The following JAK1 variants were observed in gnomAD, a reference collection of about 807,000 sequenced individuals.
JAK1 encodes Janus kinase 1.
In JAK1, 16 loss-of-function variants were observed where a neutral mutation model predicts 136.6. The observed-to-expected ratio is 0.12, with a 90% confidence interval of 0.08 to 0.18. The LOEUF is 0.18. Ranked by LOEUF, JAK1 falls within the 10% of genes least tolerant of loss-of-function variation. The probability of loss-of-function intolerance (pLI) is 1.00; values close to 1 mark genes in which losing one functional copy is unlikely to be tolerated. For missense variants in JAK1, 859 were observed against 1,450.1 expected, an observed-to-expected ratio of 0.59 and a Z score of 6.62; for synonymous variants, 492 against 519.5, an observed-to-expected ratio of 0.95 and a Z score of 0.72.
At chr1:64,999,544 C>A (rs971969058) in intron 2 of JAK1, among the ~76,000 whole-genome samples, 4 of 152,108 alleles carry the variant, frequency 2.6e-5, no homozygotes, top group African/African-American at 9.7e-5. Context: ...TCGAGACCAG[C>A]CTGGGCAACA....
At chr1:65,022,557 A>G (rs74080251) in intron 2 of JAK1, among the ~76,000 whole-genome samples, 201 of 152,296 alleles carry the variant, frequency 1.3e-3, no homozygotes, top group African/African-American at 4.7e-3. Context: ...TGTAAAGAAA[A>G]AATTAAGAAA....
At chr1:64,887,830 A>G (rs551763556) in intron 1 of JAK1, among the ~76,000 whole-genome samples, 4 of 152,192 alleles carry the variant, frequency 2.6e-5, no homozygotes, top group Non-Finnish European at 4.4e-5. Context: ...GTCCTATAGC[A>G]GAAAGGAGCT....
rs1646487562 is a variant in JAK1, at chr1:64,975,160, A to C, written c.-78+69320T>G. Among the ~76,000 whole-genome samples, 4 of 151,644 alleles carry C rather than the reference A, an allele frequency of 2.6e-5. No homozygotes were observed. The South Asian group carries it at 8.3e-4, about 32-fold the overall frequency. ...CTGGAGTGGAGTGGCTATTCACAGG[A>C]GTGATCATAGTATACTACAGCCTTG... On this transcript the variant is annotated intron_variant, in intron 2 of 25. Transcript: ENST00000671954.
At chr1:64,973,218 A>G (rs1646468040) in intron 2 of JAK1, 1 of 150,968 alleles carries the variant, frequency 6.6e-6, no homozygotes, top group Non-Finnish European at 1.5e-5. Context: ...AGAAAGAAAG[A>G]AAGGAAAAGA....
rs200049537 is a variant in JAK1, at chr1:64,864,885, G to C, written c.1078C>G (p.Arg360Gly). The change falls in exon 8 of 25, where the codon CGG (arginine) becomes GGG (glycine). Residue 360 changes from arginine (R) to glycine (G), a missense_variant. Arg to Gly is a moderately radical substitution (Grantham distance 125, BLOSUM62 -2). Transcript: ENST00000342505. Reference protein sequence around the residue: ...HKKDEEKNKIREEWNNFSYFP... With the variant: ...HKKDEEKNKIGEEWNNFSYFP... ...TAAGAAAAATTGTTCCACTCTTCCC[G>C]GATCTTGTTTTTCTCCTCATCCTTC... The C allele has an allele frequency of 1.4e-5, 22 of 1,613,468 alleles. No homozygotes were observed. Among genetic ancestry groups the C allele is most frequent in the Non-Finnish European group, 1.8e-5 (21 of 1,179,552 alleles).
chr1:64,986,664 A>T (rs1382670108), intron 2 of JAK1, among the ~76,000 whole-genome samples: 1 of 152,108 alleles, frequency 6.6e-6, no homozygotes, highest in Non-Finnish European at 1.5e-5. Flanking sequence ...GGGCTGAGGC[A>T]AGAAGATCAC....
intron 3 of JAK1, among the ~76,000 whole-genome samples, chr1:64,881,914 T>C (rs563861616): frequency 6.6e-6 from 1 of 151,970 alleles, no homozygotes; most frequent in African/African-American, 2.4e-5. Context: ...AAACCAAATC[T>C]CAAGGGGAAA....
chr1:64,915,102 G>A (rs1053679567), intron 1 of JAK1, among the ~76,000 whole-genome samples: 1 of 152,072 alleles, frequency 6.6e-6, no homozygotes, highest in Non-Finnish European at 1.5e-5. Context: ...ATACCTTATA[G>A]GATTGTGAAG....
At chr1:64,848,549 C>T (rs1570629674) in intron 12 of JAK1, among the ~76,000 whole-genome samples, 1 of 152,144 alleles carries the variant, frequency 6.6e-6, no homozygotes. Flanking sequence ...AGATGAGTGG[C>T]AGGAGGACTG....
At chr1:65,019,482 G>A (rs2100788775) in intron 2 of JAK1, among the ~76,000 whole-genome samples, 1 of 144,806 alleles carries the variant, frequency 6.9e-6, no homozygotes, top group Non-Finnish European at 1.5e-5. Context: ...TAGGAAAAGT[G>A]AATGGTTAAA....
intron 1 of JAK1, among the ~76,000 whole-genome samples, chr1:65,064,180 G>T (rs995153146): frequency 1.3e-5 from 2 of 152,194 alleles, no homozygotes; most frequent in African/African-American, 4.8e-5. Context: ...GCTCAAGTAT[G>T]TTTCCAAATA....
At chr1:64,868,845 T>G (rs1487878138) in intron 6 of JAK1, among the ~76,000 whole-genome samples, 1 of 152,214 alleles carries the variant, frequency 6.6e-6, no homozygotes, top group Non-Finnish European at 1.5e-5. Context: ...TTGAGATATT[T>G]AATAGTAGTT....
At chr1:64,841,714 C>CGAAATCTACCTGT in intron 17 of JAK1, 113 bp from the exon 18 acceptor site, 1 of 1,084,426 alleles carries the variant, frequency 9.2e-7, no homozygotes, top group Non-Finnish European at 1.4e-6. Context: ...TCTCCACTTA[C>CGAAATCTACCTGT]AGGTAGATTT....
At chr1:64,856,282 A>C (rs564571891) in intron 10 of JAK1, among the ~76,000 whole-genome samples, 2 of 152,284 alleles carry the variant, frequency 1.3e-5, no homozygotes, top group African/African-American at 4.8e-5. Context: ...CTTTTTGTAC[A>C]AACTAAACTA....
At chr1:64,955,792 C>T (rs1373414849) in intron 1 of JAK1, among the ~76,000 whole-genome samples, 2 of 152,138 alleles carry the variant, frequency 1.3e-5, no homozygotes, top group Admixed American at 6.5e-5. Flanking sequence ...GCAGTGGGGA[C>T]AGCGAGTGGC....
intron 1 of JAK1, among the ~76,000 whole-genome samples, chr1:65,064,222 A>G (rs761897161): frequency 2.0e-5 from 3 of 152,250 alleles, no homozygotes; most frequent in Non-Finnish European, 4.4e-5. Context: ...AAATCAAGTT[A>G]TCAAAGTCTA....
At chr1:64,913,683 G>GGAAGGAAGGAAGGAAA (rs1645332756) in intron 1 of JAK1, among the ~76,000 whole-genome samples, 8 of 38,024 alleles carry the variant, frequency 2.1e-4, no homozygotes, top group Non-Finnish European at 2.6e-4. Context: ...AAGGAAGGAA[G>GGAAGGAAGGAAGGAAA]GAAGGAAGGA....
At chr1:64,919,305 C>T (rs567992188) in intron 1 of JAK1, among the ~76,000 whole-genome samples, 11 of 152,186 alleles carry the variant, frequency 7.2e-5, no homozygotes, top group African/African-American at 2.2e-4. Flanking sequence ...CTGAGAGTGA[C>T]GGTTTCCAGC....
intron 1 of JAK1, among the ~76,000 whole-genome samples, chr1:64,926,507 A>C (rs1168330251): frequency 6.6e-6 from 1 of 151,778 alleles, no homozygotes; most frequent in Non-Finnish European, 1.5e-5. Context: ...ATCAGTATAC[A>C]CGGCCCTTCC....
Sources: gnomAD v4.1 joint callset for allele counts (sites outside exome capture counted in the v4.1 genomes callset) on GRCh38, gnomAD v4.1.1 for gene constraint, MANE v1.5 for transcripts, NCBI Gene and HGNC (gene_info 2026-07-23, HGNC 2026-07-21) for gene names.